The following ANK2 variants were observed in gnomAD, a reference collection of about 807,000 sequenced individuals.
ANK2 encodes the protein ankyrin-2.
ANK2 carries 83 observed loss-of-function variants against 360.5 expected under a neutral mutation model. The observed-to-expected ratio is 0.23, with a 90% CI of 0.19 to 0.28. The LOEUF (loss-of-function observed/expected upper bound fraction) is 0.28. ANK2 is among the 10% of genes least tolerant of loss of function. The pLI is 1.00. For synonymous variants in ANK2, 1,740 were observed against 1,759.5 expected (o/e 0.99, Z 0.28); for missense variants, 4,201 against 4,795.7 (o/e 0.88, Z 3.66).
chr4:112,984,525 A>G (rs1039866177), intron 2 of ANK2, among the ~76,000 whole-genome samples: 5 of 152,110 alleles, frequency 3.3e-5, no homozygotes, highest in African/African-American at 1.2e-4. Flanking sequence ...ACCTCCCACC[A>G]AGTCCCTCCC....
At chr4:112,834,740 G>C (rs1446641896) in intron 1 of ANK2, among the ~76,000 whole-genome samples, 2 of 151,974 alleles carry the variant, frequency 1.3e-5, no homozygotes, top group Non-Finnish European at 2.9e-5. Context: ...TTTTGCAGTT[G>C]GATTGTTTAA....
intron 1 of ANK2, among the ~76,000 whole-genome samples, chr4:113,073,288 G>A (rs1419566544): frequency 6.6e-6 from 1 of 151,968 alleles, no homozygotes; most frequent in Admixed American, 6.6e-5. Flanking sequence ...TTGGAGTTTT[G>A]CACAACACCT....
At chr4:112,722,224 C>T in the ANK2 span, among the ~76,000 whole-genome samples, 1 of 152,174 alleles carries the variant, frequency 6.6e-6, no homozygotes, top group Non-Finnish European at 1.5e-5. Context: ...ATCCTTACCT[C>T]TAGCCCCCAA....
chr4:113,327,538 T>A (rs2090609447), intron 26 of ANK2, among the ~76,000 whole-genome samples: 2 of 152,210 alleles, frequency 1.3e-5, no homozygotes, highest in African/African-American at 4.8e-5. Flanking sequence ...AGGTTGTACA[T>A]TCGCTTATTC....
intron 1 of ANK2, among the ~76,000 whole-genome samples, chr4:112,825,671 C>A (rs1008329765): frequency 6.6e-6 from 1 of 152,118 alleles, no homozygotes; most frequent in African/African-American, 2.4e-5. Context: ...AAATCATAAA[C>A]CAAATTCACT....
chr4:113,017,677 G>T (rs2057006837), intron 2 of ANK2, among the ~76,000 whole-genome samples: 1 of 152,126 alleles, frequency 6.6e-6, no homozygotes, highest in Non-Finnish European at 1.5e-5. Flanking sequence ...TTTTTGATGT[G>T]CCAGTTGTTT....
chr4:113,116,724 G>A (rs975746596), intron 1 of ANK2, among the ~76,000 whole-genome samples: 8 of 152,234 alleles, frequency 5.3e-5, no homozygotes, highest in African/African-American at 1.9e-4. Context: ...AGCAGCAGCA[G>A]AGTCCTTTAG....
intron 4 of ANK2, among the ~76,000 whole-genome samples, chr4:113,223,563 A>G (rs2099176107): frequency 6.6e-6 from 1 of 152,154 alleles, no homozygotes; most frequent in Non-Finnish European, 1.5e-5. Flanking sequence ...TCCAGGTAAG[A>G]TAGCATTTGA....
chr4:112,793,968 A>C, the ANK2 span, among the ~76,000 whole-genome samples: 1 of 152,134 alleles, frequency 6.6e-6, no homozygotes, highest in Non-Finnish European at 1.5e-5. Context: ...AAGTGCTGGG[A>C]TTACAGGCGT....
chr4:112,796,611 A>T, the ANK2 span, among the ~76,000 whole-genome samples: 1 of 151,252 alleles, frequency 6.6e-6, no homozygotes, highest in Non-Finnish European at 1.5e-5. Context: ...TGGCCTCCCA[A>T]AGTTCTAGGA....
At chr4:113,186,710 G>GA (rs2098536546) in intron 2 of ANK2, among the ~76,000 whole-genome samples, 1 of 151,594 alleles carries the variant, frequency 6.6e-6, no homozygotes, top group African/African-American at 2.4e-5. Context: ...ATACATAGAA[G>GA]AAAAGAAAAA....
chr4:112,830,988 C>G (rs940868495), intron 1 of ANK2, among the ~76,000 whole-genome samples: 1 of 152,216 alleles, frequency 6.6e-6, no homozygotes, highest in Non-Finnish European at 1.5e-5. Context: ...TCCCCCAGCA[C>G]TGCTGGCCCA....
chr4:113,333,183 T>C lies in ANK2; in HGVS notation c.3354T>C (p.Asn1118=). The stretch of plus-strand genomic sequence containing the variant: ...GTGACTACACTGAAGATGAATTGAA[T>C]GAAATTCTTAACGGCATGGATGAAG... ...HFCDYTEDEL[N]EILNGMDEVL... Residue 1118 remains asparagine, a synonymous_variant, in exon 29 of 46, where the codon AAT becomes AAC. Transcript: ENST00000357077. The C allele has an allele frequency of 1.2e-6, 2 of 1,614,176 alleles. No individual in the cohort carries two copies. The highest frequency in any genetic ancestry group is 1.7e-6 in the Non-Finnish European group (2 of 1,180,016).
intron 9 of ANK2, among the ~76,000 whole-genome samples, chr4:113,242,816 A>T (rs2153576344): frequency 6.6e-6 from 1 of 152,322 alleles, no homozygotes; most frequent in South Asian, 2.1e-4. Flanking sequence ...TAGATAACAC[A>T]ATAGACAGTA....
intron 4 of ANK2, among the ~76,000 whole-genome samples, chr4:113,213,504 G>A (rs181610921): frequency 1.9e-4 from 29 of 152,186 alleles, no homozygotes; most frequent in African/African-American, 6.3e-4. Context: ...AGGGCTAATA[G>A]GTCATACTTT....
chr4:113,019,824 ATG>A (rs954908065), intron 2 of ANK2, among the ~76,000 whole-genome samples: 26 of 151,864 alleles, frequency 1.7e-4, no homozygotes, highest in African/African-American at 6.0e-4. Flanking sequence ...ATAATAGTGT[ATG>A]TATTTCTAAA....
intron 2 of ANK2, among the ~76,000 whole-genome samples, chr4:113,029,555 T>C (rs1484197813): frequency 6.6e-6 from 1 of 152,106 alleles, no homozygotes; most frequent in Non-Finnish European, 1.5e-5. Context: ...AAAAGATAGC[T>C]ATAAATGAAC....
chr4:112,853,227 C>A (rs1160608136), intron 1 of ANK2, among the ~76,000 whole-genome samples: 1 of 152,216 alleles, frequency 6.6e-6, no homozygotes, highest in Non-Finnish European at 1.5e-5. Context: ...CACTACCACA[C>A]CTGGCTATTT....
chr4:113,339,196 T>C (rs1432355679), intron 31 of ANK2, 30 bp from the exon 32 acceptor site: 1 of 1,577,672 alleles, frequency 6.3e-7, no homozygotes, highest in East Asian at 2.2e-5. Flanking sequence ...GAGTTTTGCC[T>C]GATTTTTTTC....
Sources: gnomAD v4.1 joint callset for allele counts (sites outside exome capture counted in the v4.1 genomes callset) on GRCh38, gnomAD v4.1.1 for gene constraint, MANE v1.5 for transcripts, NCBI Gene and HGNC (gene_info 2026-07-23, HGNC 2026-07-21) for gene names.